Variants in ARHGAP6 observed in about 807,000 individuals in gnomAD.
ARHGAP6 encodes rho GTPase-activating protein 6.
A neutral mutation model predicts 55.7 loss-of-function variants in ARHGAP6; 16 were observed. That is an observed-to-expected ratio of 0.29 (90% CI 0.19 to 0.44). The LOEUF (loss-of-function observed/expected upper bound fraction) is 0.44. Among genes scored for constraint, ARHGAP6 ranks in the 20% least tolerant of loss-of-function variants. The probability of loss-of-function intolerance (pLI) is 1.00; values close to 1 mark genes in which losing one functional copy is unlikely to be tolerated. For missense variants in ARHGAP6, 698 were observed against 808.9 expected, an observed-to-expected ratio of 0.86 and a Z score of 1.66; for synonymous variants, 382 against 360.9, an observed-to-expected ratio of 1.06 and a Z score of -0.66.
chrX:11,564,919 A>G (rs1449785634), intron 1 of ARHGAP6, among the ~76,000 whole-genome samples: 1 of 111,711 alleles, frequency 9.0e-6, no homozygotes, highest in Admixed American at 9.5e-5. Context: ...GACAAATCTC[A>G]TTGCCTCCTG....
chrX:11,352,963 A>G (rs1312376197), intron 1 of ARHGAP6, among the ~76,000 whole-genome samples: 1 of 111,681 alleles, frequency 9.0e-6, no homozygotes, highest in Non-Finnish European at 1.9e-5. Flanking sequence ...TATACAATAT[A>G]TGTCAACTGA....
At chrX:11,356,818 G>T (rs749117486) in intron 1 of ARHGAP6, among the ~76,000 whole-genome samples, 17 of 111,379 alleles carry the variant, frequency 1.5e-4, no homozygotes, top group African/African-American at 5.5e-4. Context: ...CTTTCTAGAA[G>T]AATTACATCC....
At chrX:11,555,794 C>T (rs1231323304) in intron 1 of ARHGAP6, among the ~76,000 whole-genome samples, 1 of 111,100 alleles carries the variant, frequency 9.0e-6, no homozygotes, top group Admixed American at 9.6e-5. Context: ...TGGGGGAAAG[C>T]ATTCCAGGCA....
intron 1 of ARHGAP6, among the ~76,000 whole-genome samples, chrX:11,542,398 C>T (rs1026995976): frequency 5.4e-5 from 6 of 110,705 alleles, no homozygotes; most frequent in Admixed American, 1.9e-4. Context: ...TGCTTGAACT[C>T]GGGTGGCAGA....
chrX:11,340,602 G>A (rs1240563667), intron 1 of ARHGAP6, among the ~76,000 whole-genome samples: 3 of 107,794 alleles, frequency 2.8e-5, no homozygotes, highest in African/African-American at 1.0e-4. Flanking sequence ...AGTGGCGGGC[G>A]CCTGTAGTCC....
intron 1 of ARHGAP6, among the ~76,000 whole-genome samples, chrX:11,480,547 C>T (rs751053380): frequency 8.9e-6 from 1 of 111,883 alleles, no homozygotes; most frequent in African/African-American, 3.2e-5. Context: ...TGGTTGTACA[C>T]CTCTGTAAAT....
intron 1 of ARHGAP6, among the ~76,000 whole-genome samples, chrX:11,276,230 C>T (rs765316716): frequency 2.7e-5 from 3 of 111,584 alleles, no homozygotes; most frequent in Non-Finnish European, 5.6e-5. Context: ...GACCCTGCCC[C>T]ATCTCAGCTA....
intron 1 of ARHGAP6, among the ~76,000 whole-genome samples, chrX:11,661,739 G>C (rs189306699): frequency 1.0e-3 from 118 of 112,425 alleles, no homozygotes; most frequent in Non-Finnish European, 1.7e-3. Context: ...CGCCAACAAA[G>C]TTTAGGCCAG....
intron 1 of ARHGAP6, among the ~76,000 whole-genome samples, chrX:11,256,414 A>G (rs1436195985): frequency 9.0e-6 from 1 of 111,340 alleles, no homozygotes; most frequent in Non-Finnish European, 1.9e-5. Flanking sequence ...GAAGTCACTC[A>G]CCTTAAAGAA....
chrX:11,593,104 T>C (rs1010942904), intron 1 of ARHGAP6, among the ~76,000 whole-genome samples: 1 of 112,254 alleles, frequency 8.9e-6, no homozygotes, highest in Non-Finnish European at 1.9e-5. Context: ...GACCAGTCAG[T>C]TGAAAAGATC....
intron 1 of ARHGAP6, among the ~76,000 whole-genome samples, chrX:11,279,498 C>T (rs149148912): frequency 0.016 from 1,729 of 111,289 alleles, 35 homozygotes; most frequent in African/African-American, 0.052. Context: ...AACCAAATGC[C>T]ATTGTCTTCC....
chrX:11,271,465 T>C (rs888041934), intron 1 of ARHGAP6, among the ~76,000 whole-genome samples: 1 of 111,911 alleles, frequency 8.9e-6, no homozygotes, highest in Admixed American at 9.5e-5. Flanking sequence ...ACTTTGGCAC[T>C]TTGCAAAAGT....
chrX:11,398,594 A>G (rs771796292), intron 1 of ARHGAP6, among the ~76,000 whole-genome samples: 3 of 112,077 alleles, frequency 2.7e-5, no homozygotes, highest in Non-Finnish European at 5.6e-5. Context: ...AGACATATTT[A>G]TATTAGGTAA....
Position 11,514,063 on chromosome X carries a change from G to A in ARHGAP6, c.588+150178C>T, listed in dbSNP as rs775043084. 2.5e-4 allele frequency among the ~76,000 whole-genome samples: 26 copies of A among 104,983 alleles called. 1 individual carries two copies. In the South Asian group the frequency reaches 3.6e-3, roughly 15 times the overall value. The allele number at this position is 104,983 out of a possible 115,157, so 91.2% of individuals were successfully genotyped here. A position where few individuals can be genotyped will look rare whatever the true frequency, so the allele number is the denominator to read the frequency against. On this transcript the variant is annotated intron_variant, in intron 1 of 12. Coordinates refer to ENST00000337414, the MANE Select transcript of ARHGAP6 (RefSeq NM_013427.3). ...TGTAGTCCCAGCTACTCAGGAGGCT[G>A]AGGCAGGAGAATTGCTTGAGCCCAG...
chrX:11,608,179 C>T (rs997408418), intron 1 of ARHGAP6, among the ~76,000 whole-genome samples: 2 of 111,510 alleles, frequency 1.8e-5, no homozygotes, highest in Non-Finnish European at 3.8e-5. Flanking sequence ...GCAAACATGG[C>T]AGGATTATAT....
At chrX:11,575,772 G>A (rs756673227) in intron 1 of ARHGAP6, among the ~76,000 whole-genome samples, 31 of 112,177 alleles carry the variant, frequency 2.8e-4, no homozygotes, top group African/African-American at 8.1e-4. Context: ...AGCCTAAAGC[G>A]TTGAAAAAGC....
At chrX:11,344,192 T>C (rs2048742000) in intron 1 of ARHGAP6, among the ~76,000 whole-genome samples, 1 of 111,345 alleles carries the variant, frequency 9.0e-6, no homozygotes, top group African/African-American at 3.3e-5. Flanking sequence ...GTAGGGGTGC[T>C]ATAGGATATT....
At chrX:11,153,256 G>T (rs755355339) in intron 10 of ARHGAP6, among the ~76,000 whole-genome samples, 10 of 110,455 alleles carry the variant, frequency 9.1e-5, no homozygotes, top group Non-Finnish European at 1.9e-4. Context: ...GAGTGAGTGA[G>T]TTTAAAACAC....
chrX:11,309,352 A>G (rs1054019919), intron 1 of ARHGAP6, among the ~76,000 whole-genome samples: 1 of 110,749 alleles, frequency 9.0e-6, no homozygotes, highest in African/African-American at 3.3e-5. Context: ...AGAAGGAGAC[A>G]GGAGGCAGGG....
Sources: allele counts gnomAD v4.1 joint callset (sites outside exome capture counted in the v4.1 genomes callset), GRCh38; gene constraint gnomAD v4.1.1; transcripts MANE v1.5; gene names NCBI Gene and HGNC (gene_info 2026-07-23, HGNC 2026-07-21).